WDR49: variants seen among roughly 807,000 people sequenced by gnomAD.
WDR49 encodes the protein cilia- and flagella-associated protein 337.
A neutral mutation model predicts 119.5 loss-of-function variants in WDR49; 107 were observed. The ratio of observed to expected loss-of-function variants is 0.90; its 90% CI spans 0.77 to 1.05. The LOEUF is 1.05. Ranked by LOEUF, WDR49 falls within the 50% of genes least tolerant of loss-of-function variation. The pLI, the probability that WDR49 is intolerant of heterozygous loss-of-function variation, is 0.00. For missense variants in WDR49, 1,240 were observed against 1,220.5 expected, an observed-to-expected ratio of 1.02 and a Z score of -0.24; for synonymous variants, 425 against 418.8, an observed-to-expected ratio of 1.01 and a Z score of -0.18.
chr3:167,601,437 C>G (rs1037375306), intron 7 of WDR49, among the ~76,000 whole-genome samples: 1 of 152,156 alleles, frequency 6.6e-6, no homozygotes, highest in Non-Finnish European at 1.5e-5. Flanking sequence ...AACCAACTAT[C>G]TTGAAATCTA....
chr3:167,570,491 GAT>G (rs1199830155), intron 8 of WDR49, among the ~76,000 whole-genome samples: 1 of 152,098 alleles, frequency 6.6e-6, no homozygotes, highest in African/African-American at 2.4e-5. Flanking sequence ...ATAAATTTTG[GAT>G]ATGCATATGT....
intron 10 of WDR49, among the ~76,000 whole-genome samples, chr3:167,551,242 G>GA (rs1281116913): frequency 2.6e-5 from 4 of 151,838 alleles, no homozygotes; most frequent in Non-Finnish European, 4.4e-5. Flanking sequence ...GGATGCCCTT[G>GA]AAACAGGAAT....
chr3:167,592,608 T>C (rs575548511), intron 7 of WDR49, among the ~76,000 whole-genome samples: 28 of 152,142 alleles, frequency 1.8e-4, no homozygotes, highest in South Asian at 1.0e-3. Flanking sequence ...CTAATTTTTG[T>C]ATTTTTAGTA....
At chr3:167,509,206 A>G (rs1397415902) in intron 16 of WDR49, among the ~76,000 whole-genome samples, 1 of 152,204 alleles carries the variant, frequency 6.6e-6, no homozygotes, top group East Asian at 1.9e-4. Flanking sequence ...TAAAAAATGG[A>G]GTAGTTTATG....
chr3:167,490,811 T>C (rs1751105573), intron 18 of WDR49, among the ~76,000 whole-genome samples: 1 of 152,134 alleles, frequency 6.6e-6, no homozygotes, highest in South Asian at 2.1e-4. Flanking sequence ...CTTTGTTTTA[T>C]CTGCTAGAGA....
intron 5 of WDR49, among the ~76,000 whole-genome samples, chr3:167,609,601 C>A (rs1019031177): frequency 1.1e-4 from 17 of 152,154 alleles, no homozygotes; most frequent in African/African-American, 3.9e-4. Context: ...ACTTGAAATG[C>A]CATAAAGCTC....
intron 18 of WDR49, among the ~76,000 whole-genome samples, chr3:167,482,504 C>T (rs769307137): frequency 8.9e-5 from 10 of 111,792 alleles, no homozygotes; most frequent in Non-Finnish European, 1.6e-4. Context: ...CCCGTCTCTA[C>T]TAAAAAAAAA....
chr3:167,547,064 C>T (rs957733619), intron 10 of WDR49, among the ~76,000 whole-genome samples: 4 of 151,466 alleles, frequency 2.6e-5, no homozygotes, highest in African/African-American at 7.3e-5. Context: ...AAAATACCTG[C>T]CCCCTCTTTC....
At chr3:167,491,688 T>C (rs1346677848) in intron 18 of WDR49, among the ~76,000 whole-genome samples, 1 of 152,150 alleles carries the variant, frequency 6.6e-6, no homozygotes, top group African/African-American at 2.4e-5. Flanking sequence ...ATTTTACAGA[T>C]ACAATGTGAA....
intron 2 of WDR49, among the ~76,000 whole-genome samples, chr3:167,639,637 A>G (rs994046873): frequency 5.9e-5 from 9 of 151,828 alleles, no homozygotes; most frequent in African/African-American, 2.2e-4. Flanking sequence ...CTTTTCACAT[A>G]TAAACTTTGA....
chr3:167,564,102 C>T (rs1560287933), intron 8 of WDR49, among the ~76,000 whole-genome samples: 1 of 152,156 alleles, frequency 6.6e-6, no homozygotes, highest in Non-Finnish European at 1.5e-5. Flanking sequence ...TACTCTTTCC[C>T]CTGCCCACCT....
At chr3:167,562,970 T>C (rs1385914603) in intron 8 of WDR49, among the ~76,000 whole-genome samples, 1 of 152,230 alleles carries the variant, frequency 6.6e-6, no homozygotes, top group East Asian at 1.9e-4. Context: ...CCTGACCTCT[T>C]ACTTAGGCTT....
At chr3:167,514,051 C>T (rs112744535) in intron 16 of WDR49, among the ~76,000 whole-genome samples, 9 of 152,052 alleles carry the variant, frequency 5.9e-5, no homozygotes, top group Non-Finnish European at 1.2e-4. Flanking sequence ...AGACAGATAT[C>T]GAGACAGAAA....
chr3:167,532,786 T>C, intron 12 of WDR49, 93 bp downstream of exon 12: 1 of 783,476 alleles, frequency 1.3e-6, no homozygotes, highest in Non-Finnish European at 2.1e-6. Flanking sequence ...TCATCTATAA[T>C]TTAGGATCAA....
At chr3:167,509,992 A>T (rs1295258654) in intron 16 of WDR49, among the ~76,000 whole-genome samples, 1 of 152,210 alleles carries the variant, frequency 6.6e-6, no homozygotes, top group Non-Finnish European at 1.5e-5. Context: ...TGCCTAAAGC[A>T]AGGTCTTAAA....
intron 2 of WDR49, among the ~76,000 whole-genome samples, chr3:167,652,465 A>G (rs1030478434): frequency 6.6e-6 from 1 of 152,188 alleles, no homozygotes; most frequent in Non-Finnish European, 1.5e-5. Context: ...TTTAGTAAAC[A>G]TAATATAGTA....
chr3:167,617,702 T>G (rs185246512), intron 5 of WDR49, among the ~76,000 whole-genome samples: 1 of 151,946 alleles, frequency 6.6e-6, no homozygotes, highest in African/African-American at 2.4e-5. Context: ...AATAAAAAAT[T>G]CCCCAGCTGG....
intron 10 of WDR49, among the ~76,000 whole-genome samples, chr3:167,541,537 G>A (rs1051326207): frequency 4.6e-5 from 7 of 152,028 alleles, no homozygotes; most frequent in African/African-American, 1.7e-4. Flanking sequence ...AGGCTAGAAG[G>A]AGTTCTAAAT....
intron 2 of WDR49, among the ~76,000 whole-genome samples, chr3:167,628,745 G>A (rs1717239122): frequency 6.6e-6 from 1 of 152,138 alleles, no homozygotes; most frequent in South Asian, 2.1e-4. Context: ...ACTGATGAAG[G>A]TGGCTACACT....
Sources: allele counts gnomAD v4.1 joint callset (sites outside exome capture counted in the v4.1 genomes callset), GRCh38; gene constraint gnomAD v4.1.1; transcripts MANE v1.5; gene names NCBI Gene and HGNC (gene_info 2026-07-23, HGNC 2026-07-21).